Variants in NCDN observed in about 807,000 individuals in gnomAD.
NCDN encodes the protein neurochondrin.
NCDN carries 9 observed loss-of-function variants against 60.7 expected under a neutral mutation model. The ratio of observed to expected loss-of-function variants is 0.15; its 90% CI spans 0.09 to 0.26. The LOEUF (loss-of-function observed/expected upper bound fraction) is 0.26, where lower values mean the gene tolerates loss of function less well. NCDN is among the 10% of genes least tolerant of loss of function. NCDN has a pLI of 1.00. For missense variants in NCDN, 578 were observed against 975.2 expected (o/e 0.59, Z 5.42); for synonymous variants, 409 against 442.5 (o/e 0.92, Z 0.95).
In NCDN at chr1:35,566,493, G is replaced by A. The variant is rs1239376883; in HGVS notation, c.*830G>A. The stretch of plus-strand genomic sequence containing the variant: ...CAGGAGGGACACTTCCCCAGAATCC[G>A]CATGTTTCCCCAGTGATTACACTCC... On this transcript the variant is annotated 3_prime_UTR_variant, in exon 7 of 7. Transcript: ENST00000373243. The surrounding 1 kb of genome is among the most constrained non-coding windows in gnomAD (Gnocchi z 5.3). 1.0e-5 allele frequency: 3 copies of A among 286,518 alleles called. No homozygotes were observed. The highest frequency in any genetic ancestry group is 9.4e-5 in the East Asian group (1 of 10,644). 17.7% of individuals were successfully genotyped at this position (286,518 alleles called of 1,614,324 possible).
Position 35,560,352 on chromosome 1 carries a change from C to T in NCDN, c.201C>T (p.Asp67=), listed in dbSNP as rs1404505586. 3 of 1,613,760 alleles carry T rather than the reference C, an allele frequency of 1.9e-6. No individual in the cohort carries two copies. Among genetic ancestry groups the T allele is most frequent in the African/African-American group, 2.7e-5 (2 of 74,938 alleles). Reference sequence around the variant, plus strand: ...TGACCAAGGCAGTCAAAGCAGGTGACATAGATGCCAAAACTCGGCGGCGGA... The same window carrying T: ...TGACCAAGGCAGTCAAAGCAGGTGATATAGATGCCAAAACTCGGCGGCGGA... ...LLVTKAVKAG[D]IDAKTRRRIF... The change falls in exon 3 of 7, where the codon GAC becomes GAT. Residue 67 remains aspartate, a synonymous_variant. Transcript: ENST00000373243. The surrounding 1 kb of genome is among the most constrained non-coding windows in gnomAD (Gnocchi z 7.6).
chr1:35,560,351 A>T lies in NCDN; in HGVS notation c.200A>T (p.Asp67Val). The T allele has an allele frequency of 6.2e-7, 1 of 1,613,834 alleles. No individual in the cohort carries two copies. Among genetic ancestry groups the T allele is most frequent in the Non-Finnish European group, 8.5e-7 (1 of 1,180,026 alleles). Residue 67 changes from aspartate to valine, a missense_variant, in exon 3 of 7, where the codon GAC (aspartate) becomes GTC (valine). Asp to Val is a radical substitution (Grantham distance 152). Around this residue, in one of 3 missense-constraint regions of NCDN, gnomAD observed 363 missense variants for 583.6 expected, o/e 0.62. Transcript: ENST00000373243. The surrounding 1 kb of genome is among the most constrained non-coding windows in gnomAD (Gnocchi z 7.6). Reference protein sequence around the residue: ...LLVTKAVKAGDIDAKTRRRIF... With the variant: ...LLVTKAVKAGVIDAKTRRRIF... ...GTGACCAAGGCAGTCAAAGCAGGTG[A>T]CATAGATGCCAAAACTCGGCGGCGG...
Position 35,565,855 on chromosome 1 carries a change from A to T in NCDN, c.*192A>T. On this transcript the variant is annotated 3_prime_UTR_variant, in exon 7 of 7. Coordinates refer to ENST00000373243, the MANE Select transcript of NCDN (RefSeq NM_014284.3). The surrounding 1 kb of genome is among the most constrained non-coding windows in gnomAD (Gnocchi z 8.9). ...TGTAAGGAACTGCGTTCCGCCCCTCAGGCCCCCATGGGGGCAGGGATCGGC... is the reference window on the plus strand; with the variant it reads ...TGTAAGGAACTGCGTTCCGCCCCTCTGGCCCCCATGGGGGCAGGGATCGGC... The T allele has an allele frequency of 1.6e-6, 1 of 630,540 alleles. No homozygotes were observed. The highest frequency in any genetic ancestry group is 2.7e-6 in the Non-Finnish European group (1 of 375,908). The allele number at this position is 630,540 out of a possible 1,614,324, so 39.1% of individuals were successfully genotyped here. A position where few individuals can be genotyped will look rare whatever the true frequency, so the allele number is the denominator to read the frequency against.
Position 35,565,687 on chromosome 1 carries a change from CA to C in NCDN, c.*25del. The C allele has an allele frequency of 1.3e-6, 2 of 1,521,402 alleles. No individual in the cohort carries two copies. The highest frequency in any genetic ancestry group is 1.8e-6 in the Non-Finnish European group (2 of 1,137,412). 94.2% of individuals were successfully genotyped at this position (1,521,402 alleles called of 1,614,324 possible). A position where few individuals can be genotyped will look rare whatever the true frequency, so the allele number is the denominator to read the frequency against. ...GAGGGGTGTCCACCGGGGACAGACC[CA>C]GGGGCGGGCAGAGAGGGAAGGAGGG... On this transcript the variant is annotated 3_prime_UTR_variant, in exon 7 of 7. Transcript: ENST00000373243. The surrounding 1 kb of genome is among the most constrained non-coding windows in gnomAD (Gnocchi z 8.9).
chr1:35,558,350 C>A lies in NCDN; in HGVS notation c.33+127C>A, dbSNP rs1648475462. 20 of 1,539,140 alleles carry A rather than the reference C, an allele frequency of 1.3e-5. No individual in the cohort carries two copies. The East Asian group carries it at 4.4e-4, about 34-fold the overall frequency. On this transcript the variant is annotated intron_variant, in intron 1 of 6. Coordinates refer to ENST00000373243, the MANE Select transcript of NCDN (RefSeq NM_014284.3). This position sits in a 1 kb window ranked among gnomAD's most constrained non-coding sequence, Gnocchi z 6.3. ...CCGGGACCCCCTCTTGCTTCTCCAGCCCCTGCCGGCATCCACAGGCTGGTA... is the reference window on the plus strand; with the variant it reads ...CCGGGACCCCCTCTTGCTTCTCCAGACCCTGCCGGCATCCACAGGCTGGTA...
rs1648675288 is a variant in NCDN at position 35,560,845 on chromosome 1, G to A, written c.694G>A (p.Ala232Thr). 6.2e-7 allele frequency: 1 copy of A among 1,614,038 alleles called. No homozygotes were observed. The highest frequency in any genetic ancestry group is 1.1e-5 in the South Asian group (1 of 91,094). ...LRGLSEDFQK[A>T]EDASKFELCQ... ...GGGCCTCAGTGAGGATTTCCAGAAA[G>A]CTGAGGATGCCAGCAAGTTTGAGCT... Residue 232 changes from alanine to threonine, a missense_variant, in exon 3 of 7, where the codon GCT becomes ACT. Ala to Thr is a moderately conservative substitution (Grantham distance 58, BLOSUM62 0). This residue lies in a region of NCDN where 363 missense variants were observed against 583.6 expected (regional missense o/e 0.62). Transcript: ENST00000373243. The surrounding 1 kb of genome is among the most constrained non-coding windows in gnomAD (Gnocchi z 7.6).
chr1:35,566,342 G>A lies in NCDN; in HGVS notation c.*679G>A, dbSNP rs1038671861. ...GCCCAGATCTTTAAACCTTTGTGTC[G>A]TGTTGCAGCAGAGTGACGATGGGGG... On this transcript the variant is annotated 3_prime_UTR_variant, in exon 7 of 7. Coordinates refer to ENST00000373243, the MANE Select transcript of NCDN (RefSeq NM_014284.3). This position sits in a 1 kb window ranked among gnomAD's most constrained non-coding sequence, Gnocchi z 5.3. 3.2e-5 allele frequency: 6 copies of A among 184,656 alleles called. No individual in the cohort carries two copies. Among genetic ancestry groups the A allele is most frequent in the African/African-American group, 9.5e-5 (4 of 42,236 alleles). The allele number at this position is 184,656 out of a possible 1,614,324, so 11.4% of individuals were successfully genotyped here. A position where few individuals can be genotyped will look rare whatever the true frequency, so the allele number is the denominator to read the frequency against.
intron 6 of NCDN, among the ~76,000 whole-genome samples, chr1:35,564,467 G>A (rs1181149362): frequency 6.6e-6 from 1 of 152,200 alleles, no homozygotes; most frequent in African/African-American, 2.4e-5. Flanking sequence ...CTCTGTCCCT[G>A]CCTGTTCCCT....
At position 35,565,596 on chromosome 1, in the gene NCDN, A is replaced by G; in HGVS notation, c.2123A>G (p.Gln708Arg). The G allele has an allele frequency of 6.4e-7, 1 of 1,559,214 alleles. No homozygotes were observed. The highest frequency in any genetic ancestry group is 8.6e-7 in the Non-Finnish European group (1 of 1,158,836). Residue 708 changes from glutamine to arginine, a missense_variant, in exon 7 of 7, where the codon CAG becomes CGG. Physicochemically the swap from Gln to Arg is conservative, Grantham distance 43. Around this residue, in one of 3 missense-constraint regions of NCDN, gnomAD observed 191 missense variants for 372.1 expected, o/e 0.51. Coordinates refer to ENST00000373243, the MANE Select transcript of NCDN (RefSeq NM_014284.3). The surrounding 1 kb of genome is among the most constrained non-coding windows in gnomAD (Gnocchi z 8.9). The stretch of plus-strand genomic sequence containing the variant: ...CTGTGCCGGGAGGCCATGAGGCTGC[A>G]GGCGGGCGAGGAGACGGCCAGCCAC... ...NRLCREAMRL[Q>R]AGEETASHYR...
At position 35,560,392 on chromosome 1, in the gene NCDN, G is replaced by A. The variant is rs1648654816; in HGVS notation, c.241G>A (p.Gly81Ser). Residue 81 changes from glycine to serine, a missense_variant, in exon 3 of 7, where the codon GGC (glycine) becomes AGC (serine). Gly to Ser is a moderately conservative substitution (Grantham distance 56). Around this residue, in one of 3 missense-constraint regions of NCDN, gnomAD observed 363 missense variants for 583.6 expected, o/e 0.62. Coordinates refer to ENST00000373243, the MANE Select transcript of NCDN (RefSeq NM_014284.3). The surrounding 1 kb of genome is among the most constrained non-coding windows in gnomAD (Gnocchi z 7.6). Reference sequence around the variant, plus strand: ...TCGGCGGCGGATCTTCGATGCTGTCGGCTTCACCTTCCCCAATCGTCTCCT... The same window carrying A: ...TCGGCGGCGGATCTTCGATGCTGTCAGCTTCACCTTCCCCAATCGTCTCCT... ...KTRRRIFDAVGFTFPNRLLTT... is the reference protein window; with the variant it reads ...KTRRRIFDAVSFTFPNRLLTT... 1.9e-6 allele frequency: 3 copies of A among 1,613,872 alleles called. No homozygotes were observed. Among genetic ancestry groups the A allele is most frequent in the African/African-American group, 1.3e-5 (1 of 74,932 alleles).
chr1:35,561,200 G>A lies in NCDN; in HGVS notation c.1049G>A (p.Arg350His), dbSNP rs1648693817. The A allele has an allele frequency of 6.2e-7, 1 of 1,608,604 alleles. No individual in the cohort carries two copies. Among genetic ancestry groups the A allele is most frequent in the Non-Finnish European group, 8.5e-7 (1 of 1,177,868 alleles). The change falls in exon 3 of 7, where the codon CGC becomes CAC. Residue 350 changes from arginine (R) to histidine (H), a missense_variant. By Grantham distance (29) the Arg-to-His change is conservative. Around this residue, in one of 3 missense-constraint regions of NCDN, gnomAD observed 363 missense variants for 583.6 expected, o/e 0.62. Transcript: ENST00000373243. This position sits in a 1 kb window ranked among gnomAD's most constrained non-coding sequence, Gnocchi z 4.9. ...GAGTTGGGGATCCAGGAATGCACTC[G>A]CTGTGAGCAGTCACTGCTTAAGGAG... ...LMELGIQECT[R>H]CEQSLLKEPQ...
rs556027082 is a variant in NCDN, at chr1:35,562,735, T to C, written c.1385+102T>C. The C allele has an allele frequency of 4.2e-5, 60 of 1,443,194 alleles. No homozygotes were observed. The East Asian group carries it at 1.4e-3, about 33-fold the overall frequency. 89.4% of individuals were successfully genotyped at this position (1,443,194 alleles called of 1,614,324 possible). On this transcript the variant is annotated intron_variant, in intron 4 of 6. Coordinates refer to ENST00000373243, the MANE Select transcript of NCDN (RefSeq NM_014284.3). This position sits in a 1 kb window ranked among gnomAD's most constrained non-coding sequence, Gnocchi z 6.8. ...AACTGAGCTGTGCCAGGCTTCCTGA[T>C]TGGGCCATGAGATATCCCTTAGGGT...
chr1:35,558,498 G>T lies in NCDN; in HGVS notation c.33+275G>T. On this transcript the variant is annotated intron_variant, in intron 1 of 6. Transcript: ENST00000373243. This position sits in a 1 kb window ranked among gnomAD's most constrained non-coding sequence, Gnocchi z 6.3. ...AAAGGAGAGGAGGCAAGGAGCCTGCGGGGGCGACTGAGAGCCCTGGCTGGA... is the reference window on the plus strand; with the variant it reads ...AAAGGAGAGGAGGCAAGGAGCCTGCTGGGGCGACTGAGAGCCCTGGCTGGA... 1 of 1,389,140 alleles carries T rather than the reference G, an allele frequency of 7.2e-7. No homozygotes were observed. The highest frequency in any genetic ancestry group is 1.6e-5 in the South Asian group (1 of 61,352). 86.1% of individuals were successfully genotyped at this position (1,389,140 alleles called of 1,614,324 possible).
In NCDN at chr1:35,558,256, C is replaced by T; in HGVS notation, c.33+33C>T. On this transcript the variant is annotated intron_variant, in intron 1 of 6. Transcript: ENST00000373243. The surrounding 1 kb of genome is among the most constrained non-coding windows in gnomAD (Gnocchi z 6.3). ...CCGCCAGGAACCCTCCTCCCCTTCT[C>T]ATCTCCCCATCTCAGCAGCCCTGCT... 1.2e-6 allele frequency: 2 copies of T among 1,613,798 alleles called. No homozygotes were observed. The highest frequency in any genetic ancestry group is 1.7e-6 in the Non-Finnish European group (2 of 1,179,832).
chr1:35,564,673 C>G (rs1026754031), intron 6 of NCDN, among the ~76,000 whole-genome samples: 2 of 152,222 alleles, frequency 1.3e-5, no homozygotes, highest in Admixed American at 1.3e-4. Flanking sequence ...CTGCAGCCCC[C>G]AATTTCATGG....
Position 35,558,273 on chromosome 1 carries a change from A to G in NCDN, c.33+50A>G. On this transcript the variant is annotated intron_variant, in intron 1 of 6. Coordinates refer to ENST00000373243, the MANE Select transcript of NCDN (RefSeq NM_014284.3). This position sits in a 1 kb window ranked among gnomAD's most constrained non-coding sequence, Gnocchi z 6.3. ...CCCCTTCTCATCTCCCCATCTCAGC[A>G]GCCCTGCTTCGATTATCCGGCTTTT... 1 of 1,610,970 alleles carries G rather than the reference A, an allele frequency of 6.2e-7. No individual in the cohort carries two copies. The highest frequency in any genetic ancestry group is 8.5e-7 in the Non-Finnish European group (1 of 1,177,900).
rs1238135455 is a variant in NCDN at position 35,557,871 on chromosome 1, G to T, written c.-320G>T. The T allele has an allele frequency of 6.5e-6, 4 of 613,268 alleles. No individual in the cohort carries two copies. The highest frequency in any genetic ancestry group is 1.2e-5 in the Non-Finnish European group (4 of 330,696). The allele number at this position is 613,268 out of a possible 1,614,324, so 38.0% of individuals were successfully genotyped here. A position where few individuals can be genotyped will look rare whatever the true frequency, so the allele number is the denominator to read the frequency against. On this transcript the variant is annotated 5_prime_UTR_variant, in exon 1 of 7. Coordinates refer to ENST00000373243, the MANE Select transcript of NCDN (RefSeq NM_014284.3). ...CGCTGGGAGAAGACTTCGCCGCTCGGGGCCGCAGCCTGGTGAGCTCAGCCC... is the reference window on the plus strand; with the variant it reads ...CGCTGGGAGAAGACTTCGCCGCTCGTGGCCGCAGCCTGGTGAGCTCAGCCC...
rs1648548306 is a variant in NCDN, at chr1:35,558,895, C to G, written c.34-212C>G. Among the ~76,000 whole-genome samples, 2 of 152,088 alleles carry G rather than the reference C, an allele frequency of 1.3e-5. No individual in the cohort carries two copies. Among genetic ancestry groups the G allele is most frequent in the African/African-American group, 4.8e-5 (2 of 41,404 alleles). The stretch of plus-strand genomic sequence containing the variant: ...CCCGCTTTCTGGAGGTGACCTTGGA[C>G]CAGGGTCCCTTCTTTATCCCTAAGG... On this transcript the variant is annotated intron_variant, in intron 1 of 6. Coordinates refer to ENST00000373243, the MANE Select transcript of NCDN (RefSeq NM_014284.3). This position sits in a 1 kb window ranked among gnomAD's most constrained non-coding sequence, Gnocchi z 6.3.
Position 35,559,259 on chromosome 1 carries a change from G to A in NCDN, c.174+12G>A, listed in dbSNP as rs1366426298. ...CAGCCCTGCTGCTAGTAAGGAACTG[G>A]CTGAAAATTGGGAGGTGGGAAGGGC... On this transcript the variant is annotated intron_variant, in intron 2 of 6. Coordinates refer to ENST00000373243, the MANE Select transcript of NCDN (RefSeq NM_014284.3). 8.1e-6 allele frequency: 13 copies of A among 1,613,900 alleles called. No individual in the cohort carries two copies. The highest frequency in any genetic ancestry group is 1.1e-5 in the Non-Finnish European group (13 of 1,179,906).
Sources: gnomAD v4.1 joint callset for allele counts (sites outside exome capture counted in the v4.1 genomes callset) on GRCh38, gnomAD v4.1.1 for gene constraint, gnomAD v4.1.1 regional missense constraint, Gnocchi (gnomAD v3.1) non-coding constraint, MANE v1.5 for transcripts, NCBI Gene and HGNC (gene_info 2026-07-23, HGNC 2026-07-21) for gene names.